The following EXT2 variants were observed in gnomAD, a reference collection of about 807,000 sequenced individuals.
EXT2 encodes exostosin-2.
In EXT2, 53 loss-of-function variants were observed where a neutral mutation model predicts 81.6. That is an observed-to-expected ratio of 0.65 (90% confidence interval 0.52 to 0.82). The LOEUF is 0.82. Among genes scored for constraint, EXT2 ranks in the 40% least tolerant of loss-of-function variants. The probability of loss-of-function intolerance (pLI) is 0.00; values close to 1 mark genes in which losing one functional copy is unlikely to be tolerated. For missense variants in EXT2, 774 were observed against 910.2 expected, an observed-to-expected ratio of 0.85 and a Z score of 1.93; for synonymous variants, 320 against 340.0, an observed-to-expected ratio of 0.94 and a Z score of 0.65.
intron 11 of EXT2, among the ~76,000 whole-genome samples, chr11:44,233,472 T>C (rs1156579307): frequency 6.6e-6 from 1 of 152,204 alleles, no homozygotes; most frequent in African/African-American, 2.4e-5. Flanking sequence ...CTTTTTTTAT[T>C]AGGGAGAGAT....
chr11:44,198,823 T>G (rs530799555), intron 9 of EXT2, among the ~76,000 whole-genome samples: 70 of 152,342 alleles, frequency 4.6e-4, no homozygotes, highest in African/African-American at 1.6e-3. Flanking sequence ...ATCTGCACTT[T>G]TTATGGCTAG....
At chr11:44,206,634 C>A (rs1259592512) in intron 9 of EXT2, among the ~76,000 whole-genome samples, 159 bp from the exon 10 acceptor site, 1 of 152,134 alleles carries the variant, frequency 6.6e-6, no homozygotes, top group African/African-American at 2.4e-5. Flanking sequence ...AACAAAGATG[C>A]ATCTGTGAGA....
chr11:44,165,026 C>G (rs924239183), intron 7 of EXT2, among the ~76,000 whole-genome samples: 13 of 151,854 alleles, frequency 8.6e-5, no homozygotes, highest in African/African-American at 3.1e-4. Context: ...CTACAGGCGC[C>G]CGCCACCACG....
At chr11:44,187,481 T>G (rs1041301949) in intron 8 of EXT2, among the ~76,000 whole-genome samples, 2 of 152,166 alleles carry the variant, frequency 1.3e-5, no homozygotes, top group Non-Finnish European at 2.9e-5. Flanking sequence ...AATTTCATTA[T>G]TCTTATCTGT....
intron 10 of EXT2, among the ~76,000 whole-genome samples, chr11:44,228,136 CAG>C (rs1955858313): frequency 6.6e-6 from 1 of 152,126 alleles, no homozygotes; most frequent in Non-Finnish European, 1.5e-5. Context: ...TTTTTTATAA[CAG>C]AGATAGGCTT....
chr11:44,243,896 C>T (rs1956066754), intron 13 of EXT2, among the ~76,000 whole-genome samples: 1 of 152,096 alleles, frequency 6.6e-6, no homozygotes, highest in Admixed American at 6.5e-5. Flanking sequence ...CTCCAAGCAG[C>T]ATCTCCTGTT....
intron 9 of EXT2, among the ~76,000 whole-genome samples, chr11:44,202,778 A>C (rs1318421053): frequency 6.6e-6 from 1 of 152,234 alleles, no homozygotes; most frequent in Admixed American, 6.5e-5. Context: ...TGTCATTGTT[A>C]TTCCTTCTTC....
intron 10 of EXT2, among the ~76,000 whole-genome samples, chr11:44,216,021 C>T (rs1418843275): frequency 2.6e-5 from 4 of 152,014 alleles, no homozygotes; most frequent in Non-Finnish European, 5.9e-5. Context: ...GGACTACAGG[C>T]GCCCGCCACC....
chr11:44,176,355 T>TA (rs1335572166), intron 8 of EXT2, among the ~76,000 whole-genome samples: 3 of 152,316 alleles, frequency 2.0e-5, no homozygotes, highest in Admixed American at 6.5e-5. Context: ...TTGAAATAGA[T>TA]ATGTTTTAAT....
chr11:44,248,436 G>T lies in EXT2; in HGVS notation c.*4149G>T, dbSNP rs1346278506. Among the ~76,000 whole-genome samples the T allele has an allele frequency of 6.6e-6, 1 of 152,190 alleles. No individual in the cohort carries two copies. The highest frequency in any genetic ancestry group is 1.5e-5 in the Non-Finnish European group (1 of 68,048). On this transcript the variant is annotated 3_prime_UTR_variant, in exon 14 of 14. Coordinates refer to ENST00000533608, the MANE Select transcript of EXT2 (RefSeq NM_207122.2). The stretch of plus-strand genomic sequence containing the variant: ...CCTACTCACCTCACCCCTGAGCTCT[G>T]TCCAAGCCCTGGACCTCCTGTCCTC...
rs757744421 is a variant in EXT2 at position 44,144,307 on chromosome 11, C to G, written c.1173+14169C>G. On this transcript the variant is annotated intron_variant, in intron 7 of 13. Transcript: ENST00000533608. ...AGCTGCTAATCACCAAATGAACTCC[C>G]TGATCTGGCCTAGGGAACAGTGGGA... The G allele has an allele frequency of 1.9e-6, 3 of 1,598,324 alleles. No individual in the cohort carries two copies. The East Asian group carries it at 6.7e-5, about 36-fold the overall frequency.
chr11:44,191,989 G>T (rs113370439), intron 8 of EXT2, among the ~76,000 whole-genome samples: 52 of 152,268 alleles, frequency 3.4e-4, no homozygotes, highest in African/African-American at 1.2e-3. Context: ...ACCAGGAAAA[G>T]AAAATTTCAA....
At chr11:44,140,020 G>A (rs866655001) in intron 7 of EXT2, among the ~76,000 whole-genome samples, 12 of 152,190 alleles carry the variant, frequency 7.9e-5, no homozygotes, top group African/African-American at 1.7e-4. Flanking sequence ...CCGGAACCTC[G>A]CCGTTGGCCA....
At chr11:44,232,313 C>T in intron 10 of EXT2, 40 bp from the exon 11 acceptor site, 4 of 1,612,456 alleles carry the variant, frequency 2.5e-6, no homozygotes, top group Non-Finnish European at 3.4e-6. Context: ...TGGTTGCTGT[C>T]TGAATTGGGA....
intron 7 of EXT2, among the ~76,000 whole-genome samples, chr11:44,137,408 A>G (rs772977051): frequency 3.3e-5 from 5 of 152,116 alleles, no homozygotes; most frequent in African/African-American, 9.7e-5. Context: ...TCTGTGGGCA[A>G]ATACAATTGA....
chr11:44,119,681 AT>A (rs1404135761), intron 4 of EXT2, among the ~76,000 whole-genome samples: 1 of 152,236 alleles, frequency 6.6e-6, no homozygotes, highest in African/African-American at 2.4e-5. Context: ...CCCTCTCCAA[AT>A]CCAAGTCTCC....
intron 1 of EXT2, among the ~76,000 whole-genome samples, chr11:44,096,756 G>A (rs768710799): frequency 6.6e-6 from 1 of 152,206 alleles, no homozygotes; most frequent in Non-Finnish European, 1.5e-5. Flanking sequence ...GAATTGCTTG[G>A]TGTTACTGAT....
At chr11:44,169,963 C>A (rs1955048358) in intron 7 of EXT2, among the ~76,000 whole-genome samples, 1 of 151,942 alleles carries the variant, frequency 6.6e-6, no homozygotes, top group African/African-American at 2.4e-5. Flanking sequence ...ACACACACCC[C>A]ACACAATCCA....
At chr11:44,222,306 G>A (rs886319711) in intron 10 of EXT2, among the ~76,000 whole-genome samples, 5 of 152,190 alleles carry the variant, frequency 3.3e-5, no homozygotes, top group African/African-American at 1.2e-4. Flanking sequence ...AGAGATCTGG[G>A]CTTGATTGAA....
Sources: gnomAD v4.1 joint callset for allele counts (sites outside exome capture counted in the v4.1 genomes callset) on GRCh38, gnomAD v4.1.1 for gene constraint, MANE v1.5 for transcripts, NCBI Gene and HGNC (gene_info 2026-07-23, HGNC 2026-07-21) for gene names.